Variants in XKR9 observed in about 807,000 individuals in gnomAD.
The protein encoded by XKR9 is XK-related protein 9.
A neutral mutation model predicts 32.0 loss-of-function variants in XKR9; 32 were observed. That is an observed-to-expected ratio of 1.00 (90% CI 0.76 to 1.34). The LOEUF (loss-of-function observed/expected upper bound fraction) is 1.34. Ranked by LOEUF, XKR9 falls within the 40% of genes most tolerant of loss-of-function variation. The pLI, the probability that XKR9 is intolerant of heterozygous loss-of-function variation, is 0.00. For missense variants in XKR9, 546 were observed against 429.7 expected (o/e 1.27, Z -2.39); for synonymous variants, 168 against 143.4 (o/e 1.17, Z -1.22).
At chr8:70,740,774 A>T (rs543107626), downstream of XKR9, among the ~76,000 whole-genome samples, 1 of 152,290 alleles carries the variant, frequency 6.6e-6, no homozygotes, top group South Asian at 2.1e-4. Context: ...GTGGCTGCAG[A>T]ACAGTGGATT....
the XKR9 span, among the ~76,000 whole-genome samples, chr8:70,811,985 C>A: frequency 4.0e-5 from 6 of 151,854 alleles, no homozygotes; most frequent in Admixed American, 3.9e-4. Flanking sequence ...AGAGACACAA[C>A]CAAAAAAGAG....
chr8:70,776,410 G>T (rs1458834931), intron 2 of XKR9, among the ~76,000 whole-genome samples: 1 of 151,986 alleles, frequency 6.6e-6, no homozygotes, highest in East Asian at 1.9e-4. Context: ...TATTTCTTCT[G>T]TTTTTTGGTA....
chr8:70,862,295 C>T, the XKR9 span, among the ~76,000 whole-genome samples: 1 of 152,178 alleles, frequency 6.6e-6, no homozygotes, highest in Admixed American at 6.5e-5. Context: ...TGGCATAAAA[C>T]CCCACATAGT....
At chr8:70,847,169 A>G in the XKR9 span, among the ~76,000 whole-genome samples, 2 of 152,082 alleles carry the variant, frequency 1.3e-5, no homozygotes, top group African/African-American at 4.8e-5. Context: ...GAATAAAACT[A>G]GAAATCAATA....
At chr8:70,748,236 C>T (rs1395784048) in intron 2 of XKR9, among the ~76,000 whole-genome samples, 1 of 152,220 alleles carries the variant, frequency 6.6e-6, no homozygotes, top group East Asian at 1.9e-4. Flanking sequence ...GAGCCCTGCC[C>T]CCTACTGAGT....
chr8:70,795,918 A>G, the XKR9 span, among the ~76,000 whole-genome samples: 1 of 152,260 alleles, frequency 6.6e-6, no homozygotes, highest in South Asian at 2.1e-4. Flanking sequence ...ACTTTCTCCC[A>G]TTCTGTAGGT....
chr8:70,736,739 G>C (rs1268197532), downstream of XKR9, among the ~76,000 whole-genome samples: 1 of 151,844 alleles, frequency 6.6e-6, no homozygotes, highest in Non-Finnish European at 1.5e-5. Context: ...TTTCCCCATT[G>C]CTTGTTTTTG....
At chr8:70,859,075 T>C in the XKR9 span, among the ~76,000 whole-genome samples, 1 of 152,008 alleles carries the variant, frequency 6.6e-6, no homozygotes, top group African/African-American at 2.4e-5. Context: ...ACACACAGAA[T>C]GAGGTAAAAT....
At chr8:70,864,711 A>G in the XKR9 span, among the ~76,000 whole-genome samples, 3 of 152,120 alleles carry the variant, frequency 2.0e-5, no homozygotes, top group Non-Finnish European at 4.4e-5. Context: ...AGTGAAGCAT[A>G]TCATTTCTCT....
chr8:70,734,261 C>G lies in XKR9; in HGVS notation c.959C>G (p.Pro320Arg), dbSNP rs771871778. The G allele has an allele frequency of 4.3e-6, 7 of 1,612,512 alleles. No homozygotes were observed. The South Asian group carries it at 5.5e-5, about 13-fold the overall frequency. Residue 320 changes from proline (P) to arginine (R), a missense_variant, in exon 5 of 5, where the codon CCT becomes CGT. Pro to Arg is a moderately radical substitution (Grantham distance 103). Transcript: ENST00000408926. ...LTIFNPDYFI[P>R]ISITIVLTLL... is the part of the protein sequence containing the mutation. ...ATTTTTAATCCAGACTATTTTATAC[C>G]TATCAGTATAACTATAGTTCTTACT...
intron 2 of XKR9, among the ~76,000 whole-genome samples, chr8:70,772,043 A>C (rs971640067): frequency 1.9e-4 from 29 of 152,356 alleles, no homozygotes; most frequent in African/African-American, 6.5e-4. Flanking sequence ...ATACTTTTAT[A>C]GTTAAATTTT....
chr8:70,917,399 C>A, the XKR9 span, among the ~76,000 whole-genome samples: 9 of 151,958 alleles, frequency 5.9e-5, no homozygotes. Flanking sequence ...GGTCCCTTAT[C>A]TGTTTTGTTC....
At chr8:70,691,265 T>C (rs1805061250) in intron 3 of XKR9, among the ~76,000 whole-genome samples, 1 of 152,196 alleles carries the variant, frequency 6.6e-6, no homozygotes, top group South Asian at 2.1e-4. Context: ...GTTGCTTGTT[T>C]TTCTCTTGTA....
the XKR9 span, among the ~76,000 whole-genome samples, chr8:70,956,557 C>T: frequency 6.6e-6 from 1 of 152,160 alleles, no homozygotes; most frequent in Non-Finnish European, 1.5e-5. Context: ...CCCCTTCTGC[C>T]CAGGAACCTG....
intron 2 of XKR9, among the ~76,000 whole-genome samples, chr8:70,744,885 C>T (rs1807036573): frequency 6.7e-6 from 1 of 150,118 alleles, no homozygotes; most frequent in South Asian, 2.1e-4. Flanking sequence ...GGATTACAGG[C>T]ATGAGTTACC....
the XKR9 span, among the ~76,000 whole-genome samples, chr8:70,942,471 C>A: frequency 6.6e-6 from 1 of 152,178 alleles, no homozygotes; most frequent in African/African-American, 2.4e-5. Context: ...AAGGAGGAAG[C>A]AATAGTCCAA....
the XKR9 span, among the ~76,000 whole-genome samples, chr8:71,033,834 A>G: frequency 5.7e-3 from 873 of 152,300 alleles, 10 homozygotes; most frequent in African/African-American, 0.02. Context: ...CTTTCCAGCC[A>G]ACAGAATTGT....
intron 4 of XKR9, among the ~76,000 whole-genome samples, chr8:70,725,240 G>A (rs900564210): frequency 1.3e-5 from 2 of 152,086 alleles, no homozygotes; most frequent in Non-Finnish European, 1.5e-5. Flanking sequence ...GGGTGGGGAC[G>A]CAAAGCCAAA....
the XKR9 span, among the ~76,000 whole-genome samples, chr8:71,063,528 T>TG: frequency 6.6e-6 from 1 of 151,614 alleles, no homozygotes; most frequent in East Asian, 1.9e-4. Context: ...TATTTCATCT[T>TG]GGGGAAAAAA....
Sources: gnomAD v4.1 joint callset for allele counts (sites outside exome capture counted in the v4.1 genomes callset) on GRCh38, gnomAD v4.1.1 for gene constraint, MANE v1.5 for transcripts, NCBI Gene and HGNC (gene_info 2026-07-23, HGNC 2026-07-21) for gene names.